Variants in APOLD1 observed in about 807,000 individuals in gnomAD.
APOLD1 encodes apolipoprotein L domain containing 1.
A neutral mutation model predicts 15.3 loss-of-function variants in APOLD1; 22 were observed. That is an observed-to-expected ratio of 1.44 (90% CI 1.03 to 2.05). APOLD1 has a LOEUF of 2.05. APOLD1 is among the 30% of genes most tolerant of loss of function. APOLD1 has a pLI of 0.00. For synonymous variants in APOLD1, 190 were observed against 167.4 expected, an observed-to-expected ratio of 1.13 and a Z score of -1.04; for missense variants, 394 against 353.5, an observed-to-expected ratio of 1.11 and a Z score of -0.92.
At chr12:12,755,024 C>T (rs757567044) in intron 1 of APOLD1, among the ~76,000 whole-genome samples, 18 of 151,692 alleles carry the variant, frequency 1.2e-4, no homozygotes, top group Middle Eastern at 3.2e-3. Flanking sequence ...CCAGTCTGGG[C>T]GACAGAGTGA....
chr12:12,755,226 A>G (rs561688082), intron 1 of APOLD1, among the ~76,000 whole-genome samples: 7 of 152,336 alleles, frequency 4.6e-5, no homozygotes, highest in African/African-American at 1.7e-4. Flanking sequence ...GTCTATCAGT[A>G]GTGCTGGGAC....
At chr12:12,748,394 C>G (rs905966147) in intron 1 of APOLD1, among the ~76,000 whole-genome samples, 1 of 152,224 alleles carries the variant, frequency 6.6e-6, no homozygotes, top group Non-Finnish European at 1.5e-5. Context: ...ATCAGTCCCT[C>G]TACTTGTTCT....
chr12:12,768,880 A>C (rs1309143391), intron 1 of APOLD1, among the ~76,000 whole-genome samples: 1 of 151,998 alleles, frequency 6.6e-6, no homozygotes, highest in Admixed American at 6.6e-5. Flanking sequence ...TTTTCAGGGA[A>C]AAAAAGTGGA....
intron 1 of APOLD1, among the ~76,000 whole-genome samples, chr12:12,760,883 A>G (rs1946893569): frequency 6.6e-6 from 1 of 152,352 alleles, no homozygotes; most frequent in South Asian, 2.1e-4. Context: ...GGTACATAGT[A>G]GGATATACCA....
At chr12:12,746,603 T>A (rs970420326) in intron 1 of APOLD1, among the ~76,000 whole-genome samples, 3 of 152,208 alleles carry the variant, frequency 2.0e-5, no homozygotes, top group African/African-American at 2.4e-5. Context: ...TAAAGAATTT[T>A]AAAAAACTAT....
intron 1 of APOLD1, among the ~76,000 whole-genome samples, chr12:12,763,848 G>T (rs1946922768): frequency 6.6e-6 from 1 of 151,982 alleles, no homozygotes. Flanking sequence ...TTTTAAGTTT[G>T]TATTATTTTT....
chr12:12,772,630 A>G (rs994532831), intron 1 of APOLD1, among the ~76,000 whole-genome samples: 1 of 152,210 alleles, frequency 6.6e-6, no homozygotes, highest in Admixed American at 6.5e-5. Flanking sequence ...CCATCAATCA[A>G]CTGGATGTAA....
Position 12,790,488 on chromosome 12 carries a change from C to T in APOLD1, c.*2836C>T, listed in dbSNP as rs1947176262. 6.6e-6 allele frequency: 1 copy of T among 152,212 alleles called. No homozygotes were observed. Among genetic ancestry groups the T allele is most frequent in the Non-Finnish European group, 1.5e-5 (1 of 68,042 alleles). The allele number at this position is 152,212 out of a possible 1,614,324, so 9.4% of individuals were successfully genotyped here. ...AAATTATATTCTTCCAATGCCTAAG[C>T]TATTCCCTAGAATTAAACTGGGCAC... On this transcript the variant is annotated 3_prime_UTR_variant, in exon 2 of 2. Coordinates refer to ENST00000356591, the MANE Select transcript of APOLD1 (RefSeq NM_030817.3).
upstream of APOLD1, chr12:12,785,551 G>A (rs1947117062): frequency 1.4e-6 from 2 of 1,463,462 alleles, no homozygotes; most frequent in African/African-American, 1.4e-5. Flanking sequence ...GATGAAGGCA[G>A]CAGGGGTCAT....
chr12:12,734,572 T>G lies in APOLD1; in HGVS notation c.96+8476T>G, dbSNP rs550587693. Among the ~76,000 whole-genome samples the G allele has an allele frequency of 2.2e-4, 34 of 152,374 alleles. No individual in the cohort carries two copies. The South Asian group carries it at 6.8e-3, about 31-fold the overall frequency. ...ATAGATTCCTTCTGGCTTACAGCTC[T>G]GTGATTCTTGTTTCCTAGTCAAGAT... On this transcript the variant is annotated intron_variant, in intron 1 of 1. Transcript: ENST00000326765.
At chr12:12,784,627 A>T (rs886382142), upstream of APOLD1, among the ~76,000 whole-genome samples, 3 of 152,134 alleles carry the variant, frequency 2.0e-5, no homozygotes, top group African/African-American at 7.2e-5. Flanking sequence ...TAAGCCAGAG[A>T]GTTGAGATAA....
At chr12:12,769,590 C>T (rs117873638) in intron 1 of APOLD1, among the ~76,000 whole-genome samples, 2,192 of 152,272 alleles carry the variant, frequency 0.014, 39 homozygotes, top group Middle Eastern at 0.034. Context: ...TCTCATGCTT[C>T]CAACAAGGGG....
At chr12:12,726,006 C>T (rs1194891721) in exon 1 of APOLD1, 1 of 1,514,328 alleles carries the variant, frequency 6.6e-7, no homozygotes, top group South Asian at 1.3e-5. Flanking sequence ...CACGGATGTT[C>T]CGCGCGCCGT....
At chr12:12,784,440 G>C (rs1033186884), upstream of APOLD1, among the ~76,000 whole-genome samples, 33 of 152,174 alleles carry the variant, frequency 2.2e-4, no homozygotes, top group African/African-American at 6.8e-4. Flanking sequence ...CCTTTGAGGA[G>C]CTGTAACAAG....
chr12:12,745,267 C>T (rs1394988485), intron 1 of APOLD1, among the ~76,000 whole-genome samples: 1 of 152,102 alleles, frequency 6.6e-6, no homozygotes, highest in Non-Finnish European at 1.5e-5. Context: ...GAAGGCCGGG[C>T]GAGGTGGCAC....
Position 12,787,015 on chromosome 12 carries a change from G to A in APOLD1, c.110G>A (p.Arg37His). ...RRGRLHGQVL[R>H]LREVARRLER... ...GGCCGGCTGCACGGCCAGGTGCTGC[G>A]CCTGCGCGAGGTGGCCCGGCGCCTG... Residue 37 changes from arginine (R) to histidine (H), a missense_variant, in exon 2 of 2, where the codon CGC becomes CAC. By Grantham distance (29) the Arg-to-His change is conservative. Coordinates refer to ENST00000356591, the MANE Select transcript of APOLD1 (RefSeq NM_030817.3). This position sits in a 1 kb window ranked among gnomAD's most constrained non-coding sequence, Gnocchi z 4.9. The A allele has an allele frequency of 7.2e-7, 1 of 1,390,880 alleles. No homozygotes were observed. Among genetic ancestry groups the A allele is most frequent in the Non-Finnish European group, 9.2e-7 (1 of 1,084,226 alleles). 86.2% of individuals were successfully genotyped at this position (1,390,880 alleles called of 1,614,324 possible). A position where few individuals can be genotyped will look rare whatever the true frequency, so the allele number is the denominator to read the frequency against.
At chr12:12,738,548 C>A (rs940023274) in intron 1 of APOLD1, among the ~76,000 whole-genome samples, 14 of 152,096 alleles carry the variant, frequency 9.2e-5, no homozygotes, top group African/African-American at 3.4e-4. Context: ...AAAACGGTGT[C>A]CTTTTAAGAA....
At chr12:12,759,281 A>T (rs1946880567) in intron 1 of APOLD1, among the ~76,000 whole-genome samples, 1 of 152,170 alleles carries the variant, frequency 6.6e-6, no homozygotes, top group South Asian at 2.1e-4. Context: ...TTATGAACAC[A>T]TGGATTTAAA....
rs922113372 is a variant in APOLD1, at chr12:12,789,904, A to G, written c.*2252A>G. 2.0e-5 allele frequency: 3 copies of G among 151,980 alleles called. No homozygotes were observed. Among genetic ancestry groups the G allele is most frequent in the Non-Finnish European group, 4.4e-5 (3 of 68,016 alleles). The allele number at this position is 151,980 out of a possible 1,614,324, so 9.4% of individuals were successfully genotyped here. On this transcript the variant is annotated 3_prime_UTR_variant, in exon 2 of 2. Transcript: ENST00000356591. ...ATGTTTCTACATTTTTATTTTTTCT[A>G]TAAATTGCAATTGGTCTGTATGCTG...
Sources: allele counts gnomAD v4.1 joint callset (sites outside exome capture counted in the v4.1 genomes callset), GRCh38; gene constraint gnomAD v4.1.1; non-coding constraint Gnocchi (gnomAD v3.1); transcripts MANE v1.5; gene names NCBI Gene and HGNC (gene_info 2026-07-23, HGNC 2026-07-21).